CDH12: variants seen among roughly 807,000 people sequenced by gnomAD.
CDH12 encodes the protein cadherin-12.
CDH12 carries 41 observed loss-of-function variants against 74.1 expected under a neutral mutation model. The observed-to-expected ratio is 0.55, with a 90% CI of 0.43 to 0.72. CDH12 has a LOEUF of 0.72. Among genes scored for constraint, CDH12 ranks in the 30% least tolerant of loss-of-function variants. The pLI, the probability that CDH12 is intolerant of heterozygous loss-of-function variation, is 0.00. For synonymous variants in CDH12, 399 were observed against 355.0 expected, an observed-to-expected ratio of 1.12 and a Z score of -1.39; for missense variants, 945 against 977.2, an observed-to-expected ratio of 0.97 and a Z score of 0.44.
intron 9 of CDH12, among the ~76,000 whole-genome samples, chr5:21,806,620 C>T (rs1045378403): frequency 2.6e-5 from 4 of 152,144 alleles, no homozygotes; most frequent in East Asian, 1.9e-4. Flanking sequence ...TGTATATACA[C>T]GTTAAATAAT....
chr5:21,764,949 A>C, intron 12 of CDH12, 29 bp downstream of exon 12: 1 of 1,611,632 alleles, frequency 6.2e-7, no homozygotes, highest in African/African-American at 1.3e-5. Context: ...GGGTCTTTAT[A>C]CACTCAAGGA....
chr5:22,554,272 C>A (rs1158846376), intron 1 of CDH12, among the ~76,000 whole-genome samples: 2 of 151,980 alleles, frequency 1.3e-5, no homozygotes, highest in East Asian at 3.9e-4. Flanking sequence ...ACAGAATGTA[C>A]AATACCAAGA....
chr5:22,188,417 T>A (rs1750088763), intron 4 of CDH12, among the ~76,000 whole-genome samples: 1 of 151,976 alleles, frequency 6.6e-6, no homozygotes, highest in African/African-American at 2.4e-5. Context: ...CTCTATTCTT[T>A]ACTAATTACC....
chr5:22,470,652 G>A (rs1348209544), intron 2 of CDH12, among the ~76,000 whole-genome samples: 1 of 151,974 alleles, frequency 6.6e-6, no homozygotes, highest in East Asian at 1.9e-4. Flanking sequence ...AACTCCCAGT[G>A]TCAAGTGCTC....
intron 2 of CDH12, among the ~76,000 whole-genome samples, chr5:22,503,938 A>G (rs1479305187): frequency 6.6e-6 from 1 of 152,046 alleles, no homozygotes; most frequent in Non-Finnish European, 1.5e-5. Context: ...TGGATATTTA[A>G]GAATATGGAG....
chr5:21,890,187 T>A (rs760433726), intron 6 of CDH12, among the ~76,000 whole-genome samples: 1 of 152,146 alleles, frequency 6.6e-6, no homozygotes, highest in South Asian at 2.1e-4. Context: ...ATCTTAAACA[T>A]CTACTGTACT....
At chr5:22,540,237 TTA>T (rs1204677983) in intron 1 of CDH12, among the ~76,000 whole-genome samples, 1 of 152,044 alleles carries the variant, frequency 6.6e-6, no homozygotes. Flanking sequence ...ATATGCATAT[TTA>T]TATATATAAA....
At chr5:22,208,009 T>C (rs1751314800) in intron 4 of CDH12, among the ~76,000 whole-genome samples, 1 of 152,178 alleles carries the variant, frequency 6.6e-6, no homozygotes, top group Admixed American at 6.5e-5. Flanking sequence ...ATAGGTACTG[T>C]GATTGGCTCA....
intron 1 of CDH12, among the ~76,000 whole-genome samples, chr5:22,551,880 T>C (rs537420628): frequency 8.7e-4 from 133 of 152,338 alleles, no homozygotes; most frequent in African/African-American, 3.0e-3. Flanking sequence ...ATTAGAATTA[T>C]AGACATGATG....
chr5:22,093,618 T>A (rs1389105759), intron 4 of CDH12, among the ~76,000 whole-genome samples: 1 of 152,154 alleles, frequency 6.6e-6, no homozygotes, highest in Non-Finnish European at 1.5e-5. Context: ...GTATTTTGGG[T>A]ATGACCTGGA....
At chr5:21,997,358 A>G (rs1736357637) in intron 5 of CDH12, among the ~76,000 whole-genome samples, 1 of 152,152 alleles carries the variant, frequency 6.6e-6, no homozygotes, top group Non-Finnish European at 1.5e-5. Context: ...GAAGCAGTAA[A>G]TGATGAATAT....
chr5:22,257,212 AACTGTTGGGT>A, intron 3 of CDH12, among the ~76,000 whole-genome samples: 1 of 152,182 alleles, frequency 6.6e-6, no homozygotes, highest in East Asian at 1.9e-4. Context: ...CAGGTAAAAT[AACTGTTGGGT>A]ACTAAGCCTA....
intron 1 of CDH12, among the ~76,000 whole-genome samples, chr5:22,613,527 A>G (rs909260769): frequency 6.6e-6 from 1 of 152,112 alleles, no homozygotes; most frequent in African/African-American, 2.4e-5. Flanking sequence ...CTTTCAGTAC[A>G]GTGTAAGTAA....
chr5:22,836,547 G>T (rs975738876), intron 1 of CDH12, among the ~76,000 whole-genome samples: 4 of 151,894 alleles, frequency 2.6e-5, no homozygotes, highest in Non-Finnish European at 5.9e-5. Flanking sequence ...TGCTTTTTAA[G>T]GGGCTTTTTA....
intron 1 of CDH12, among the ~76,000 whole-genome samples, chr5:22,820,791 A>G (rs1160533193): frequency 1.3e-5 from 2 of 152,212 alleles, no homozygotes; most frequent in African/African-American, 4.8e-5. Context: ...TCACAGCCGA[A>G]TTCTACCAGA....
intron 8 of CDH12, among the ~76,000 whole-genome samples, chr5:21,839,932 A>G (rs866094732): frequency 4.7e-4 from 71 of 152,172 alleles, no homozygotes; most frequent in African/African-American, 1.6e-3. Context: ...CAGAAAACTA[A>G]ATGTAACACA....
intron 6 of CDH12, chr5:21,884,198 C>T: frequency 6.3e-7 from 1 of 1,585,184 alleles, no homozygotes; most frequent in South Asian, 1.1e-5. Context: ...CTGGTGTGGC[C>T]TCTCTGTTAA....
chr5:22,505,774 C>G (rs1461096524), intron 1 of CDH12, among the ~76,000 whole-genome samples: 2 of 152,034 alleles, frequency 1.3e-5, no homozygotes, highest in Non-Finnish European at 2.9e-5. Flanking sequence ...TTTTTGATGA[C>G]CTTGAACGTT....
intron 4 of CDH12, among the ~76,000 whole-genome samples, chr5:22,146,244 G>A (rs1163355591): frequency 6.6e-6 from 1 of 151,934 alleles, no homozygotes; most frequent in East Asian, 1.9e-4. Flanking sequence ...TAATATAAAT[G>A]AAATACATCT....
Sources: allele counts gnomAD v4.1 joint callset (sites outside exome capture counted in the v4.1 genomes callset), GRCh38; gene constraint gnomAD v4.1.1; transcripts MANE v1.5; gene names NCBI Gene and HGNC (gene_info 2026-07-23, HGNC 2026-07-21).